The following MGAT4C variants were observed in gnomAD, a reference collection of about 807,000 sequenced individuals.
MGAT4C encodes the protein alpha-1,3-mannosyl-glycoprotein 4-beta-N-acetylglucosaminyltransferase C.
Under a neutral mutation model 40.1 loss-of-function variants are expected in MGAT4C, and 19 were observed. That is an observed-to-expected ratio of 0.47 (90% CI 0.33 to 0.70). The LOEUF (loss-of-function observed/expected upper bound fraction) is 0.70, where lower values mean the gene tolerates loss of function less well. Among genes scored for constraint, MGAT4C ranks in the 30% least tolerant of loss-of-function variants. The pLI, the probability that MGAT4C is intolerant of heterozygous loss-of-function variation, is 0.02. For synonymous variants in MGAT4C, 181 were observed against 187.1 expected (o/e 0.97, Z 0.27); for missense variants, 491 against 563.2 (o/e 0.87, Z 1.30).
chr12:86,571,185 TG>T (rs1265800763), intron 2 of MGAT4C, among the ~76,000 whole-genome samples: 1 of 152,188 alleles, frequency 6.6e-6, no homozygotes, highest in Admixed American at 6.6e-5. Flanking sequence ...TGAGTTTTAA[TG>T]CTCATTATTT....
chr12:86,615,732 A>G (rs1477583765), intron 2 of MGAT4C, among the ~76,000 whole-genome samples: 1 of 152,084 alleles, frequency 6.6e-6, no homozygotes, highest in African/African-American at 2.4e-5. Flanking sequence ...AATCACATCA[A>G]ATCCATGACC....
intron 1 of MGAT4C, among the ~76,000 whole-genome samples, chr12:86,076,759 A>T (rs1869807970): frequency 6.6e-6 from 1 of 152,052 alleles, no homozygotes; most frequent in Non-Finnish European, 1.5e-5. Flanking sequence ...TGATTCAATG[A>T]CCTCCCTCTG....
At chr12:86,033,532 A>G (rs1890953363) in intron 2 of MGAT4C, among the ~76,000 whole-genome samples, 1 of 149,000 alleles carries the variant, frequency 6.7e-6, no homozygotes, top group Admixed American at 6.8e-5. Context: ...TGTAAATGGG[A>G]TTGCATTCGT....
chr12:86,396,558 AT>A (rs1307394513), intron 3 of MGAT4C, among the ~76,000 whole-genome samples: 1 of 152,142 alleles, frequency 6.6e-6, no homozygotes, highest in African/African-American at 2.4e-5. Flanking sequence ...ATAATGGAAA[AT>A]TTTATTCATG....
At chr12:86,364,364 A>G (rs1955546877) in intron 3 of MGAT4C, among the ~76,000 whole-genome samples, 1 of 152,132 alleles carries the variant, frequency 6.6e-6, no homozygotes, top group Non-Finnish European at 1.5e-5. Flanking sequence ...AGCATAATTT[A>G]TTTGTCAATA....
At chr12:86,678,636 G>A (rs1039818383) in intron 2 of MGAT4C, among the ~76,000 whole-genome samples, 1 of 137,492 alleles carries the variant, frequency 7.3e-6, no homozygotes, top group African/African-American at 2.8e-5. Flanking sequence ...GTGTCCATGT[G>A]TTCTCATTGT....
rs1048586925 is a variant in MGAT4C, at chr12:86,492,628, T to A, written c.-228-57363A>T. On this transcript the variant is annotated intron_variant, in intron 2 of 7. Coordinates refer to the MGAT4C transcript ENST00000548651. ...GCTGAAACTGGATCTCTTCCTTACA[T>A]CTTATACAAAAATTAATTCAAGATG... Among the ~76,000 whole-genome samples, 390 of 152,096 alleles carry A rather than the reference T, an allele frequency of 2.6e-3. 1 individual carries two copies. The highest frequency in any genetic ancestry group is 4.4e-3 in the Non-Finnish European group (300 of 67,964).
At chr12:86,461,400 C>T (rs1006165108) in intron 2 of MGAT4C, among the ~76,000 whole-genome samples, 4 of 152,026 alleles carry the variant, frequency 2.6e-5, no homozygotes, top group East Asian at 1.9e-4. Context: ...CGCCCGCCAC[C>T]GCGCCCGGTT....
intron 1 of MGAT4C, among the ~76,000 whole-genome samples, chr12:86,751,461 C>G (rs984488526): frequency 5.9e-5 from 9 of 151,920 alleles, no homozygotes; most frequent in Non-Finnish European, 1.0e-4. Context: ...AGATTAAGAA[C>G]AAGTAAAAAC....
At chr12:86,539,374 A>T (rs1005750286) in intron 2 of MGAT4C, among the ~76,000 whole-genome samples, 9 of 152,212 alleles carry the variant, frequency 5.9e-5, no homozygotes, top group Non-Finnish European at 1.0e-4. Context: ...TTATGGCTAC[A>T]TAGTATTCCA....
intron 2 of MGAT4C, among the ~76,000 whole-genome samples, chr12:86,711,314 C>A (rs898098180): frequency 6.6e-6 from 1 of 152,156 alleles, no homozygotes; most frequent in Non-Finnish European, 1.5e-5. Context: ...CTGTACCTGG[C>A]GCTCCTGAGA....
chr12:86,331,572 GT>G (rs1954670002), intron 4 of MGAT4C, among the ~76,000 whole-genome samples: 1 of 152,094 alleles, frequency 6.6e-6, no homozygotes, highest in African/African-American at 2.4e-5. Context: ...AGTTTCTGGT[GT>G]TTCTATCTAT....
At chr12:86,069,673 A>C (rs940835161) in intron 1 of MGAT4C, among the ~76,000 whole-genome samples, 4 of 152,140 alleles carry the variant, frequency 2.6e-5, no homozygotes, top group African/African-American at 9.7e-5. Flanking sequence ...TATATTAGGT[A>C]ACTGTGCTGG....
At chr12:86,577,305 C>G (rs1433782036) in intron 2 of MGAT4C, among the ~76,000 whole-genome samples, 1 of 151,672 alleles carries the variant, frequency 6.6e-6, no homozygotes, top group East Asian at 1.9e-4. Flanking sequence ...AAATATTTAT[C>G]TTGTCTGATT....
At chr12:86,024,517 A>G (rs1237178520) in intron 2 of MGAT4C, among the ~76,000 whole-genome samples, 1 of 151,838 alleles carries the variant, frequency 6.6e-6, no homozygotes, top group East Asian at 1.9e-4. Flanking sequence ...TTGATTTTAT[A>G]GAAGATATAA....
chr12:86,535,763 T>C (rs1048069052), intron 2 of MGAT4C, among the ~76,000 whole-genome samples: 1 of 152,096 alleles, frequency 6.6e-6, no homozygotes, highest in Non-Finnish European at 1.5e-5. Context: ...TGTTCCTATG[T>C]GAATTTGGAG....
At chr12:86,242,152 G>T (rs1408686668) in intron 1 of MGAT4C, among the ~76,000 whole-genome samples, 3 of 152,092 alleles carry the variant, frequency 2.0e-5, no homozygotes, top group Non-Finnish European at 4.4e-5. Context: ...TTTAAATTCT[G>T]CCTAGGGCCT....
intron 2 of MGAT4C, among the ~76,000 whole-genome samples, chr12:86,020,843 A>G (rs1335494953): frequency 6.6e-6 from 1 of 152,216 alleles, no homozygotes; most frequent in Non-Finnish European, 1.5e-5. Flanking sequence ...CTCATCTGAC[A>G]AAGGGGCTAA....
intron 1 of MGAT4C, among the ~76,000 whole-genome samples, chr12:86,799,965 AAT>A (rs1444189003): frequency 6.6e-6 from 1 of 151,876 alleles, no homozygotes; most frequent in Admixed American, 6.6e-5. Flanking sequence ...GAGTTGTTTA[AAT>A]ATGAGTCAAA....
Sources: allele counts gnomAD v4.1 joint callset (sites outside exome capture counted in the v4.1 genomes callset), GRCh38; gene constraint gnomAD v4.1.1; transcripts MANE v1.5; gene names NCBI Gene and HGNC (gene_info 2026-07-23, HGNC 2026-07-21).